The following HTR2C variants were observed in gnomAD, a reference collection of about 807,000 sequenced individuals.
HTR2C encodes 5-hydroxytryptamine (serotonin) receptor 2C, G protein-coupled.
Under a neutral mutation model 21.0 loss-of-function variants are expected in HTR2C, and 5 were observed. The observed-to-expected ratio is 0.24, with a 90% CI of 0.12 to 0.50. HTR2C has a LOEUF of 0.50. Among genes scored for constraint, HTR2C ranks in the 20% least tolerant of loss-of-function variants. The probability of loss-of-function intolerance (pLI) is 0.98; values close to 1 mark genes in which losing one functional copy is unlikely to be tolerated. For synonymous variants in HTR2C, 150 were observed against 145.3 expected, an observed-to-expected ratio of 1.03 and a Z score of -0.23; for missense variants, 271 against 371.2, an observed-to-expected ratio of 0.73 and a Z score of 2.22.
intron 5 of HTR2C, among the ~76,000 whole-genome samples, chrX:114,851,314 A>G (rs2070915675): frequency 8.9e-6 from 1 of 112,033 alleles, no homozygotes; most frequent in African/African-American, 3.2e-5. Context: ...AACACATTCC[A>G]AAGGGTTGGA....
intron 4 of HTR2C, among the ~76,000 whole-genome samples, chrX:114,821,939 C>A (rs1556456384): frequency 2.0e-5 from 2 of 100,003 alleles, no homozygotes; most frequent in African/African-American, 7.5e-5. Context: ...AGTGCAGTGG[C>A]ACGATTTTGG....
At position 114,878,875 on chromosome X, in the gene HTR2C, A is replaced by AG. The variant is rs1556479098; in HGVS notation, c.551-27714_551-27713insG. On this transcript the variant is annotated intron_variant, in intron 5 of 5. Transcript: ENST00000276198. Reference sequence around the variant, plus strand: ...ATGATTTCAATCCCTTTTAGAACATAATTTTTTAGAATTGTTTTGCATCCC... The same window carrying AG: ...ATGATTTCAATCCCTTTTAGAACATAGATTTTTTAGAATTGTTTTGCATCCC... Among the ~76,000 whole-genome samples, 26 of 36,464 alleles carry AG rather than the reference A, an allele frequency of 7.1e-4. No individual in the cohort carries two copies. The South Asian group carries it at 0.045, about 63-fold the overall frequency. 31.7% of individuals were successfully genotyped at this position (36,464 alleles called of 115,157 possible).
chrX:114,905,507 T>G (rs2071365239), intron 5 of HTR2C, among the ~76,000 whole-genome samples: 1 of 111,394 alleles, frequency 9.0e-6, no homozygotes, highest in South Asian at 3.8e-4. Flanking sequence ...GTTGCTTGTG[T>G]GTTCTCTAAG....
At chrX:114,616,847 A>T (rs1382492136) in intron 2 of HTR2C, among the ~76,000 whole-genome samples, 4 of 111,993 alleles carry the variant, frequency 3.6e-5, no homozygotes, top group African/African-American at 1.3e-4. Flanking sequence ...GGTAAACATT[A>T]TTTTTTTCTG....
intron 4 of HTR2C, among the ~76,000 whole-genome samples, chrX:114,733,870 T>A (rs1372068515): frequency 9.0e-6 from 1 of 111,001 alleles, no homozygotes; most frequent in Non-Finnish European, 1.9e-5. Context: ...ACCAAGCTAC[T>A]ATAGAAAAAA....
At chrX:114,604,769 C>A (rs782654492) in intron 1 of HTR2C, among the ~76,000 whole-genome samples, 1 of 111,402 alleles carries the variant, frequency 9.0e-6, no homozygotes, top group Admixed American at 9.5e-5. Context: ...GTGTAGCAAG[C>A]TCCTGTGGGA....
intron 2 of HTR2C, among the ~76,000 whole-genome samples, chrX:114,655,861 T>G (rs1016474184): frequency 9.0e-6 from 1 of 111,658 alleles, no homozygotes; most frequent in Non-Finnish European, 1.9e-5. Flanking sequence ...GGCACATTTA[T>G]TTTGATTATT....
In HTR2C at chrX:114,909,934, C is replaced by T. The variant is rs200623347; in HGVS notation, c.*2519C>T. The T allele has an allele frequency of 1.9e-4, 21 of 112,193 alleles. No individual in the cohort carries two copies. In the East Asian group the frequency reaches 5.6e-3, roughly 30 times the overall value. 9.2% of individuals were successfully genotyped at this position (112,193 alleles called of 1,213,427 possible). On this transcript the variant is annotated 3_prime_UTR_variant, in exon 6 of 6. Transcript: ENST00000276198. ...CTGCCTTATATTATTTTCTGTAATT[C>T]TTCTCCTTTGTCAAATGGTATTTTT...
chrX:114,772,204 G>A (rs374487439), intron 4 of HTR2C, among the ~76,000 whole-genome samples: 1 of 111,946 alleles, frequency 8.9e-6, no homozygotes, highest in Non-Finnish European at 1.9e-5. Context: ...ATTCACCAAG[G>A]TTGCCATTCT....
chrX:114,652,965 C>T (rs181389509), intron 2 of HTR2C, among the ~76,000 whole-genome samples: 4 of 70,874 alleles, frequency 5.6e-5, no homozygotes, highest in Non-Finnish European at 1.1e-4. Context: ...GAAATTTGAG[C>T]GAATATATAA....
At chrX:114,617,534 C>T (rs998921395) in intron 2 of HTR2C, among the ~76,000 whole-genome samples, 2 of 112,341 alleles carry the variant, frequency 1.8e-5, no homozygotes, top group African/African-American at 6.5e-5. Context: ...CATCATTTCA[C>T]TTTGCAGTTT....
chrX:114,586,155 A>G (rs1556389614), intron 1 of HTR2C, among the ~76,000 whole-genome samples: 1 of 111,695 alleles, frequency 9.0e-6, no homozygotes, highest in Non-Finnish European at 1.9e-5. Context: ...ACAAAGGCCA[A>G]CTGACATGCC....
intron 4 of HTR2C, among the ~76,000 whole-genome samples, chrX:114,801,811 G>T (rs1257344673): frequency 9.1e-6 from 1 of 110,464 alleles, no homozygotes; most frequent in Non-Finnish European, 1.9e-5. Context: ...TGCTTTCTTT[G>T]TGATACAATC....
intron 4 of HTR2C, among the ~76,000 whole-genome samples, chrX:114,761,571 G>A (rs1304345016): frequency 1.8e-5 from 2 of 110,589 alleles, no homozygotes; most frequent in Admixed American, 9.7e-5. Flanking sequence ...TTTCACATGC[G>A]TTAACTCATT....
At chrX:114,736,016 G>A (rs1175539361) in intron 4 of HTR2C, among the ~76,000 whole-genome samples, 1 of 110,453 alleles carries the variant, frequency 9.1e-6, no homozygotes, top group Non-Finnish European at 1.9e-5. Context: ...GGGAGGTTGA[G>A]GCAGGAGAAC....
chrX:114,755,052 C>T (rs1392701449), intron 4 of HTR2C, among the ~76,000 whole-genome samples: 2 of 110,259 alleles, frequency 1.8e-5, no homozygotes, highest in Admixed American at 9.7e-5. Flanking sequence ...CCAGCCTGGC[C>T]AACATGGTGA....
At chrX:114,849,830 A>C in intron 5 of HTR2C, among the ~76,000 whole-genome samples, 1 of 112,164 alleles carries the variant, frequency 8.9e-6, no homozygotes, top group East Asian at 2.8e-4. Flanking sequence ...ATTTCAACTT[A>C]TTTCTTTCAA....
intron 5 of HTR2C, among the ~76,000 whole-genome samples, chrX:114,900,121 C>T (rs782557732): frequency 2.3e-4 from 25 of 110,865 alleles, no homozygotes; most frequent in African/African-American, 7.6e-4. Flanking sequence ...TTGGTCAGGG[C>T]GTTTCCATTA....
chrX:114,703,091 A>C (rs1932607042), intron 2 of HTR2C, among the ~76,000 whole-genome samples: 1 of 104,571 alleles, frequency 9.6e-6, no homozygotes, highest in Admixed American at 1.1e-4. Flanking sequence ...AGAGACTTAG[A>C]CTCCCACACA....
Sources: allele counts gnomAD v4.1 joint callset (sites outside exome capture counted in the v4.1 genomes callset), GRCh38; gene constraint gnomAD v4.1.1; transcripts MANE v1.5; gene names NCBI Gene and HGNC (gene_info 2026-07-23, HGNC 2026-07-21).